ARHGEF10L: variants seen among roughly 807,000 people sequenced by gnomAD.
The protein encoded by ARHGEF10L is rho guanine nucleotide exchange factor 10-like protein.
Under a neutral mutation model 141.2 loss-of-function variants are expected in ARHGEF10L, and 69 were observed. The observed-to-expected ratio is 0.49, with a 90% CI of 0.40 to 0.60. The LOEUF is 0.60. Among genes scored for constraint, ARHGEF10L ranks in the 20% least tolerant of loss-of-function variants. The pLI is 0.00. For missense variants in ARHGEF10L, 1,482 were observed against 1,734.3 expected, an observed-to-expected ratio of 0.85 and a Z score of 2.58; for synonymous variants, 711 against 718.5, an observed-to-expected ratio of 0.99 and a Z score of 0.17.
chr1:17,542,151 G>A (rs6702914), intron 1 of ARHGEF10L, among the ~76,000 whole-genome samples: 90,740 of 149,986 alleles, frequency 0.6, 27,584 homozygotes, highest in East Asian at 0.8. Context: ...AAGAAAAAAA[G>A]AAAAGAAAAG....
chr1:17,652,121 T>C (rs1285722645), intron 22 of ARHGEF10L, among the ~76,000 whole-genome samples: 3 of 152,154 alleles, frequency 2.0e-5, no homozygotes, highest in Admixed American at 1.3e-4. Context: ...ACTATTTGTC[T>C]AGGGAGGGCT....
the ARHGEF10L span, among the ~76,000 whole-genome samples, chr1:17,524,021 C>T: frequency 6.6e-6 from 1 of 152,152 alleles, no homozygotes; most frequent in Non-Finnish European, 1.5e-5. Flanking sequence ...TGCCTATAAT[C>T]CCAGCACTTT....
chr1:17,520,176 C>A, the ARHGEF10L span, among the ~76,000 whole-genome samples: 1 of 152,214 alleles, frequency 6.6e-6, no homozygotes, highest in African/African-American at 2.4e-5. Flanking sequence ...ATGGATGGCT[C>A]AGCCCCGGCT....
chr1:17,642,207 A>T (rs954213786), intron 21 of ARHGEF10L, among the ~76,000 whole-genome samples: 6 of 152,134 alleles, frequency 3.9e-5, no homozygotes, highest in African/African-American at 1.4e-4. Flanking sequence ...TGTACAGGGC[A>T]TAGAGCTGGG....
chr1:17,620,715 A>G (rs2060061392), intron 10 of ARHGEF10L, among the ~76,000 whole-genome samples: 1 of 152,000 alleles, frequency 6.6e-6, no homozygotes, highest in African/African-American at 2.4e-5. Flanking sequence ...GACGCTCAGG[A>G]CAGCTGTGGG....
In ARHGEF10L at chr1:17,656,809, A is replaced by T. The variant is rs1283224547; in HGVS notation, c.2860+101A>T. 2.1e-6 allele frequency: 3 copies of T among 1,423,420 alleles called. No homozygotes were observed. Among genetic ancestry groups the T allele is most frequent in the Admixed American group, 2.2e-5 (1 of 46,094 alleles). The allele number at this position is 1,423,420 out of a possible 1,614,324, so 88.2% of individuals were successfully genotyped here. On this transcript the variant is annotated intron_variant, in intron 25 of 28. Coordinates refer to ENST00000361221, the MANE Select transcript of ARHGEF10L (RefSeq NM_018125.4). This position sits in a 1 kb window ranked among gnomAD's most constrained non-coding sequence, Gnocchi z 4.9. Reference sequence around the variant, plus strand: ...GATACAGGAGGCTGGGCAGGAATGAATTGGGAAATCTCAGTGCTGAGGGCA... The same window carrying T: ...GATACAGGAGGCTGGGCAGGAATGATTTGGGAAATCTCAGTGCTGAGGGCA...
At chr1:17,531,633 G>A in the ARHGEF10L span, among the ~76,000 whole-genome samples, 1 of 152,198 alleles carries the variant, frequency 6.6e-6, no homozygotes, top group African/African-American at 2.4e-5. Context: ...CTGTAAACGG[G>A]AGAGATGGGT....
At chr1:17,662,327 T>C (rs79356304) in intron 25 of ARHGEF10L, among the ~76,000 whole-genome samples, 4,803 of 152,270 alleles carry the variant, frequency 0.032, 258 homozygotes, top group African/African-American at 0.11. Context: ...TCTTGCATAT[T>C]GTATTGACTC....
At chr1:17,661,838 C>T (rs982232613) in intron 25 of ARHGEF10L, among the ~76,000 whole-genome samples, 1 of 152,234 alleles carries the variant, frequency 6.6e-6, no homozygotes, top group Non-Finnish European at 1.5e-5. Context: ...TGGCCGCCTT[C>T]GGGTCACTCG....
chr1:17,672,640 C>G (rs1014819718), intron 26 of ARHGEF10L, among the ~76,000 whole-genome samples: 2 of 152,110 alleles, frequency 1.3e-5, no homozygotes, highest in Non-Finnish European at 2.9e-5. Flanking sequence ...AGTTGGCAAG[C>G]AAAACTTGAG....
chr1:17,605,323 C>T (rs1217436122), intron 6 of ARHGEF10L, among the ~76,000 whole-genome samples: 1 of 152,160 alleles, frequency 6.6e-6, no homozygotes, highest in Admixed American at 6.5e-5. Context: ...ACACGGGGTC[C>T]TGACCAATCT....
At chr1:17,529,801 C>T in the ARHGEF10L span, among the ~76,000 whole-genome samples, 1 of 148,898 alleles carries the variant, frequency 6.7e-6, no homozygotes, top group African/African-American at 2.5e-5. Context: ...CTTATGGGGC[C>T]ATGGGGCCAG....
intron 15 of ARHGEF10L, among the ~76,000 whole-genome samples, chr1:17,629,161 C>A (rs1325168497): frequency 6.6e-6 from 1 of 151,974 alleles, no homozygotes; most frequent in East Asian, 1.9e-4. Context: ...GCTGGGACTA[C>A]AAGCACGAGC....
chr1:17,676,283 G>A lies in ARHGEF10L; in HGVS notation c.3010-11290G>A, dbSNP rs554923906. ...AGGTGTGGGTGCAGGTGTAGTTGCA[G>A]GTGTGGGTGAGGTGTAGATGCAGGT... On this transcript the variant is annotated intron_variant, in intron 26 of 28. Transcript: ENST00000361221. Among the ~76,000 whole-genome samples, 209 of 148,300 alleles carry A rather than the reference G, an allele frequency of 1.4e-3. 2 individuals are homozygous for A. Among genetic ancestry groups the A allele is most frequent in the African/African-American group, 4.0e-3 (158 of 39,922 alleles).
chr1:17,573,958 C>T lies in ARHGEF10L; in HGVS notation c.-43-6595C>T, dbSNP rs570359859. Among the ~76,000 whole-genome samples, 3 of 152,280 alleles carry T rather than the reference C, an allele frequency of 2.0e-5. No homozygotes were observed. Among genetic ancestry groups the T allele is most frequent in the South Asian group, 4.1e-4 (2 of 4,822 alleles). ...CCCCCTTCTCAGAGCTCCCCTCCCC[C>T]TCCCTGGTGAAGAGGAAAGGAAGTT... On this transcript the variant is annotated intron_variant, in intron 1 of 28. Transcript: ENST00000361221. This position sits in a 1 kb window ranked among gnomAD's most constrained non-coding sequence, Gnocchi z 4.8.
intron 22 of ARHGEF10L, among the ~76,000 whole-genome samples, chr1:17,653,654 G>T (rs1428817544): frequency 1.3e-5 from 2 of 152,244 alleles, no homozygotes; most frequent in Non-Finnish European, 1.5e-5. Context: ...CAGAACTGGG[G>T]CCCCAGAGTG....
intron 26 of ARHGEF10L, among the ~76,000 whole-genome samples, chr1:17,682,314 C>T (rs1004082388): frequency 2.0e-5 from 3 of 152,110 alleles, no homozygotes; most frequent in Admixed American, 6.5e-5. Flanking sequence ...CATTCCACAC[C>T]GGACTCTCTT....
chr1:17,610,131 G>A (rs1026645259), intron 7 of ARHGEF10L, among the ~76,000 whole-genome samples: 22 of 152,210 alleles, frequency 1.4e-4, no homozygotes, highest in Admixed American at 1.4e-3. Context: ...TTCCAGCGGT[G>A]GTCCCCATGC....
chr1:17,587,046 T>C (rs940506460), intron 2 of ARHGEF10L, among the ~76,000 whole-genome samples: 1 of 152,238 alleles, frequency 6.6e-6, no homozygotes, highest in Non-Finnish European at 1.5e-5. Flanking sequence ...AAGGATGCGC[T>C]GTCTGTGCTC....
Sources: gnomAD v4.1 joint callset for allele counts (sites outside exome capture counted in the v4.1 genomes callset) on GRCh38, gnomAD v4.1.1 for gene constraint, Gnocchi (gnomAD v3.1) non-coding constraint, MANE v1.5 for transcripts, NCBI Gene and HGNC (gene_info 2026-07-23, HGNC 2026-07-21) for gene names.